TAB2: variants seen among roughly 807,000 people sequenced by gnomAD.
The protein encoded by TAB2 is TGF-beta activated kinase 1 (MAP3K7) binding protein 2.
Under a neutral mutation model 65.0 loss-of-function variants are expected in TAB2, and 3 were observed. The ratio of observed to expected loss-of-function variants is 0.05; its 90% confidence interval spans 0.02 to 0.12. The LOEUF is 0.12. Ranked by LOEUF, TAB2 falls within the 10% of genes least tolerant of loss-of-function variation. The pLI is 1.00. For synonymous variants in TAB2, 298 were observed against 285.1 expected, an observed-to-expected ratio of 1.05 and a Z score of -0.46; for missense variants, 623 against 840.3, an observed-to-expected ratio of 0.74 and a Z score of 3.20.
intron 1 of TAB2, among the ~76,000 whole-genome samples, chr6:149,287,334 A>C (rs1175908120): frequency 1.3e-5 from 2 of 152,184 alleles, no homozygotes; most frequent in Non-Finnish European, 2.9e-5. Context: ...TGTTTGAAAA[A>C]CAAATAGATA....
At chr6:149,322,934 A>G (rs1779500941) in intron 1 of TAB2, among the ~76,000 whole-genome samples, 1 of 152,154 alleles carries the variant, frequency 6.6e-6, no homozygotes, top group South Asian at 2.1e-4. Flanking sequence ...ATAACCATGC[A>G]AGTTGCAATA....
At chr6:149,379,558 G>T (rs761363103) in intron 3 of TAB2, 40 bp downstream of exon 3, 2 of 1,600,344 alleles carry the variant, frequency 1.2e-6, no homozygotes, top group South Asian at 2.2e-5. Flanking sequence ...TTCCATGCTG[G>T]GCTTGTTGGT....
intron 1 of TAB2, among the ~76,000 whole-genome samples, chr6:149,280,948 A>G (rs1453199309): frequency 2.7e-5 from 4 of 150,162 alleles, no homozygotes; most frequent in African/African-American, 7.5e-5. Context: ...AAAAAAAAAA[A>G]AAGAAGTTGA....
upstream of TAB2, chr6:149,218,585 C>T (rs533015445): frequency 2.5e-5 from 6 of 239,258 alleles, no homozygotes; most frequent in Non-Finnish European, 4.5e-5. Flanking sequence ...GGGACAGGGT[C>T]AGGGTAGGGG....
chr6:149,326,668 G>A (rs748652255), intron 1 of TAB2, among the ~76,000 whole-genome samples: 5 of 151,570 alleles, frequency 3.3e-5, no homozygotes, highest in Admixed American at 6.6e-5. Context: ...CTGCCTCAGC[G>A]TCCTGAGTAG....
At chr6:149,228,208 G>A (rs202165657) in intron 1 of TAB2, among the ~76,000 whole-genome samples, 9 of 152,150 alleles carry the variant, frequency 5.9e-5, no homozygotes, top group East Asian at 3.9e-4. Context: ...CATTTCTCCC[G>A]CATTTACAAC....
intron 1 of TAB2, chr6:149,255,408 T>C (rs984323492): frequency 6.6e-5 from 10 of 152,166 alleles, no homozygotes; most frequent in Non-Finnish European, 1.3e-4. Context: ...ATCAAATATA[T>C]GAAAAAGGAG....
At chr6:149,376,198 T>C (rs941882612) in intron 2 of TAB2, among the ~76,000 whole-genome samples, 3 of 152,208 alleles carry the variant, frequency 2.0e-5, no homozygotes, top group Non-Finnish European at 2.9e-5. Context: ...CTTTGTGTCT[T>C]CTAACTGCTC....
upstream of TAB2, chr6:149,218,516 T>C (rs532929473): frequency 5.3e-5 from 9 of 168,960 alleles, no homozygotes; most frequent in East Asian, 1.1e-3. Context: ...CTGGTTCAAG[T>C]TGGGTCTCTG....
chr6:149,406,440 T>G (rs1368184470), intron 6 of TAB2, among the ~76,000 whole-genome samples: 3 of 152,098 alleles, frequency 2.0e-5, no homozygotes, highest in Non-Finnish European at 2.9e-5. Context: ...ATTAGGACAT[T>G]TTATGAATCA....
At chr6:149,390,442 A>G (rs1781946347) in intron 3 of TAB2, among the ~76,000 whole-genome samples, 1 of 152,212 alleles carries the variant, frequency 6.6e-6, no homozygotes, top group Non-Finnish European at 1.5e-5. Flanking sequence ...TCAGTAAGCA[A>G]ATTCTCGTGT....
chr6:149,347,744 CT>C (rs917823917), intron 1 of TAB2, among the ~76,000 whole-genome samples: 1 of 151,788 alleles, frequency 6.6e-6, no homozygotes, highest in Non-Finnish European at 1.5e-5. Flanking sequence ...AATTTTAAAA[CT>C]TTATGTTAAA....
chr6:149,360,228 G>C (rs1780797944), intron 1 of TAB2, among the ~76,000 whole-genome samples: 1 of 151,914 alleles, frequency 6.6e-6, no homozygotes, highest in Non-Finnish European at 1.5e-5. Context: ...GTGTTAGTTT[G>C]TTCTTGCATT....
In TAB2 at chr6:149,377,952, T is replaced by C. The variant is rs1781459047; in HGVS notation, c.103-66T>C. On this transcript the variant is annotated intron_variant, in intron 2 of 6. Transcript: ENST00000637181. ...CAGTCACTTGGTAATCATGTATTTG[T>C]AGAGATGCAAATATAAGCATTCGCT... The C allele has an allele frequency of 6.7e-6, 8 of 1,194,306 alleles. No individual in the cohort carries two copies. In the South Asian group the frequency reaches 1.0e-4, roughly 15 times the overall value. The allele number at this position is 1,194,306 out of a possible 1,614,324, so 74.0% of individuals were successfully genotyped here.
intron 1 of TAB2, among the ~76,000 whole-genome samples, chr6:149,264,983 T>C (rs1372880303): frequency 1.3e-5 from 2 of 152,218 alleles, no homozygotes; most frequent in Non-Finnish European, 2.9e-5. Context: ...CTGCTGTTTT[T>C]ACCCAAACCT....
intron 1 of TAB2, among the ~76,000 whole-genome samples, chr6:149,229,587 G>T (rs1777360099): frequency 6.6e-6 from 1 of 152,096 alleles, no homozygotes; most frequent in South Asian, 2.1e-4. Flanking sequence ...TTCCATGAGG[G>T]TCACCGGATC....
intron 1 of TAB2, among the ~76,000 whole-genome samples, chr6:149,268,304 A>G (rs1471755460): frequency 6.6e-6 from 1 of 152,200 alleles, no homozygotes; most frequent in Non-Finnish European, 1.5e-5. Flanking sequence ...TCCAGCAACA[A>G]AAAAGAGAAA....
intron 1 of TAB2, among the ~76,000 whole-genome samples, chr6:149,251,793 T>G (rs1395971042): frequency 6.6e-6 from 1 of 152,222 alleles, no homozygotes; most frequent in African/African-American, 2.4e-5. Flanking sequence ...TGTTAAAACA[T>G]GTACCATATT....
intron 3 of TAB2, among the ~76,000 whole-genome samples, chr6:149,392,985 A>C (rs1303665098): frequency 6.6e-6 from 1 of 150,866 alleles, no homozygotes; most frequent in Non-Finnish European, 1.5e-5. Context: ...GAATTTTTAC[A>C]GCGATTTTTA....
Sources: allele counts gnomAD v4.1 joint callset (sites outside exome capture counted in the v4.1 genomes callset), GRCh38; gene constraint gnomAD v4.1.1; transcripts MANE v1.5; gene names NCBI Gene and HGNC (gene_info 2026-07-23, HGNC 2026-07-21).